The following RTKN2 variants were observed in gnomAD, a reference collection of about 807,000 sequenced individuals.
The protein encoded by RTKN2 is rhotekin-2.
A neutral mutation model predicts 71.5 loss-of-function variants in RTKN2; 69 were observed. The observed-to-expected ratio is 0.96, with a 90% CI of 0.79 to 1.18. The LOEUF is 1.18. Among genes scored for constraint, RTKN2 ranks in the 50% most tolerant of loss-of-function variants. RTKN2 has a pLI of 0.00. For missense variants in RTKN2, 724 were observed against 719.7 expected (o/e 1.01, Z -0.07); for synonymous variants, 236 against 236.5 (o/e 1.00, Z 0.02).
At chr10:62,252,885 AG>A (rs1842608093) in intron 2 of RTKN2, among the ~76,000 whole-genome samples, 1 of 152,070 alleles carries the variant, frequency 6.6e-6, no homozygotes, top group Non-Finnish European at 1.5e-5. Context: ...ATAAAATTAT[AG>A]TAACTACTAT....
At chr10:62,211,779 CTTAG>C (rs1841663953) in intron 9 of RTKN2, among the ~76,000 whole-genome samples, 1 of 4,090 alleles carries the variant, frequency 2.4e-4, no homozygotes, top group Admixed American at 3.3e-3. Context: ...TCCTGCCTTA[CTTAG>C]CCTCCCGAGT....
At chr10:62,249,635 A>C (rs1412616159) in intron 2 of RTKN2, among the ~76,000 whole-genome samples, 1 of 152,208 alleles carries the variant, frequency 6.6e-6, no homozygotes, top group Non-Finnish European at 1.5e-5. Flanking sequence ...CTAAAGTCTT[A>C]GAATTGGATT....
chr10:62,210,685 C>T (rs1009032953), intron 9 of RTKN2, among the ~76,000 whole-genome samples: 2 of 151,952 alleles, frequency 1.3e-5, no homozygotes, highest in African/African-American at 4.8e-5. Context: ...TTCATGTATA[C>T]GACAAGGAAT....
intron 6 of RTKN2, among the ~76,000 whole-genome samples, chr10:62,230,700 A>G (rs999900779): frequency 1.3e-5 from 2 of 152,224 alleles, no homozygotes; most frequent in East Asian, 3.8e-4. Flanking sequence ...TGTTCAGAGA[A>G]TGTAACTGAC....
At position 62,256,291 on chromosome 10, in the gene RTKN2, G is replaced by A. The variant is rs1842673816; in HGVS notation, c.257+6334C>T. On this transcript the variant is annotated intron_variant, in intron 2 of 11. Transcript: ENST00000373789. ...TCCCACCTCAGCCTCCCAAAGTCTT[G>A]GGATTACAGGCGTGAGCCACCATTC... is the stretch of plus-strand genomic sequence containing the variant. Among the ~76,000 whole-genome samples, 3 of 152,138 alleles carry A rather than the reference G, an allele frequency of 2.0e-5. No individual in the cohort carries two copies. The South Asian group carries it at 6.2e-4, about 31-fold the overall frequency.
chr10:62,191,434 C>G (rs554102587), downstream of RTKN2, among the ~76,000 whole-genome samples: 7 of 152,286 alleles, frequency 4.6e-5, no homozygotes, highest in African/African-American at 1.4e-4. Flanking sequence ...CATGAGCCAC[C>G]GTGCCCAGCC....
chr10:62,193,692 T>C lies in RTKN2; in HGVS notation c.*4216A>G, dbSNP rs1841267714. On this transcript the variant is annotated 3_prime_UTR_variant, in exon 12 of 12. Coordinates refer to ENST00000373789, the MANE Select transcript of RTKN2 (RefSeq NM_145307.4). Reference sequence around the variant, plus strand: ...TTAAAATAAGGAGACTCCTTGTGGCTAGTAGCGACTGAATATCCTACGTAC... The same window carrying C: ...TTAAAATAAGGAGACTCCTTGTGGCCAGTAGCGACTGAATATCCTACGTAC... 5.1e-6 allele frequency: 5 copies of C among 985,026 alleles called. No homozygotes were observed. The South Asian group carries it at 1.9e-4, about 37-fold the overall frequency. The allele number at this position is 985,026 out of a possible 1,614,324, so 61.0% of individuals were successfully genotyped here.
chr10:62,207,687 C>A (rs112370303), intron 9 of RTKN2, among the ~76,000 whole-genome samples: 10 of 152,210 alleles, frequency 6.6e-5, no homozygotes, highest in South Asian at 4.1e-4. Context: ...GCCTCCCCCC[C>A]ATATTTCTGC....
intron 9 of RTKN2, chr10:62,215,159 A>C: frequency 1.0e-6 from 1 of 986,952 alleles, no homozygotes; most frequent in Non-Finnish European, 1.5e-6. Flanking sequence ...TATAAAATAT[A>C]AGAAAAAAAT....
chr10:62,205,692 C>T (rs778886124), intron 9 of RTKN2, among the ~76,000 whole-genome samples: 1 of 152,130 alleles, frequency 6.6e-6, no homozygotes, highest in Non-Finnish European at 1.5e-5. Flanking sequence ...TTCATTCACG[C>T]TGATAGTCTA....
chr10:62,237,625 T>G (rs1259734128), intron 5 of RTKN2, among the ~76,000 whole-genome samples: 1 of 151,938 alleles, frequency 6.6e-6, no homozygotes, highest in African/African-American at 2.4e-5. Context: ...CCAAAAAAAA[T>G]CTGCTAAACC....
intron 2 of RTKN2, among the ~76,000 whole-genome samples, chr10:62,261,757 C>T (rs1230757657): frequency 6.6e-6 from 1 of 152,148 alleles, no homozygotes; most frequent in African/African-American, 2.4e-5. Flanking sequence ...CAAAATTTTA[C>T]TTTTACAGAA....
chr10:62,214,562 T>C (rs568697433), intron 9 of RTKN2, among the ~76,000 whole-genome samples: 88 of 152,256 alleles, frequency 5.8e-4, no homozygotes, highest in Non-Finnish European at 1.1e-3. Context: ...AGTCAGGCCA[T>C]ATAAACATTG....
rs368378518 is a variant in RTKN2 at position 62,196,694 on chromosome 10, T to A, written c.*1214A>T. On this transcript the variant is annotated 3_prime_UTR_variant, in exon 12 of 12. Coordinates refer to ENST00000373789, the MANE Select transcript of RTKN2 (RefSeq NM_145307.4). ...TCTTGCAATGACATTTAGGGTTCAG[T>A]GTGATTTGAGATTTTTAGTGCTGTT... is the stretch of plus-strand genomic sequence containing the variant. 193 of 985,096 alleles carry A rather than the reference T, an allele frequency of 2.0e-4. No individual in the cohort carries two copies. In the South Asian group the frequency reaches 8.1e-3, roughly 41 times the overall value. 61.0% of individuals were successfully genotyped at this position (985,096 alleles called of 1,614,324 possible).
At chr10:62,243,134 TC>T (rs1842413456) in intron 3 of RTKN2, among the ~76,000 whole-genome samples, 2 of 64,162 alleles carry the variant, frequency 3.1e-5, no homozygotes, top group African/African-American at 6.6e-5. Flanking sequence ...CCCTCCCCCC[TC>T]CCCCCACCCC....
chr10:62,254,734 G>T (rs534785103), intron 2 of RTKN2, among the ~76,000 whole-genome samples: 25 of 152,230 alleles, frequency 1.6e-4, no homozygotes, highest in Middle Eastern at 3.4e-3. Flanking sequence ...GAGGCCAGGA[G>T]TTCAAGATCA....
rs1028844182 is a variant in RTKN2, at chr10:62,245,026, G to A, written c.316+973C>T. ...TAGTGATTACTTAAGGACCAATGGAGGTATATACTATTGTTTCAAAAATGT... is the reference window on the plus strand; with the variant it reads ...TAGTGATTACTTAAGGACCAATGGAAGTATATACTATTGTTTCAAAAATGT... On this transcript the variant is annotated intron_variant, in intron 3 of 11. Transcript: ENST00000373789. Among the ~76,000 whole-genome samples, 4 of 152,086 alleles carry A rather than the reference G, an allele frequency of 2.6e-5. No individual in the cohort carries two copies. In the East Asian group the frequency reaches 5.8e-4, roughly 22 times the overall value.
chr10:62,219,316 T>C (rs1589350860), intron 7 of RTKN2, among the ~76,000 whole-genome samples: 1 of 152,128 alleles, frequency 6.6e-6, no homozygotes, highest in East Asian at 1.9e-4. Context: ...GTAAAAGAGA[T>C]ATGCCTGGGA....
At chr10:62,245,783 CTG>C (rs1842467191) in intron 3 of RTKN2, among the ~76,000 whole-genome samples, 1 of 151,488 alleles carries the variant, frequency 6.6e-6, no homozygotes, top group South Asian at 2.1e-4. Flanking sequence ...AGGGAGAAAA[CTG>C]TAGAGTATGT....
Sources: allele counts gnomAD v4.1 joint callset (sites outside exome capture counted in the v4.1 genomes callset), GRCh38; gene constraint gnomAD v4.1.1; transcripts MANE v1.5; gene names NCBI Gene and HGNC (gene_info 2026-07-23, HGNC 2026-07-21).